Variants in GRIN1 observed in about 807,000 individuals in gnomAD.
The protein encoded by GRIN1 is glutamate receptor ionotropic, NMDA 1.
GRIN1 carries 38 observed loss-of-function variants against 103.0 expected under a neutral mutation model. That is an observed-to-expected ratio of 0.37 (90% CI 0.28 to 0.48). The LOEUF (loss-of-function observed/expected upper bound fraction) is 0.48. Among genes scored for constraint, GRIN1 ranks in the 20% least tolerant of loss-of-function variants. The pLI is 0.98. For missense variants in GRIN1, 577 were observed against 1,288.9 expected, an observed-to-expected ratio of 0.45 and a Z score of 8.46; for synonymous variants, 544 against 532.7, an observed-to-expected ratio of 1.02 and a Z score of -0.29.
intron 10 of GRIN1, 133 bp downstream of exon 10, chr9:137,161,549 G>C: frequency 1.2e-6 from 1 of 830,826 alleles, no homozygotes; most frequent in Non-Finnish European, 1.9e-6. Flanking sequence ...GGAGTGAGCG[G>C]AGCCTGCGGG....
At chr9:137,164,304 A>G (rs889860114) in intron 18 of GRIN1, 2 of 271,122 alleles carry the variant, frequency 7.4e-6, no homozygotes, top group Non-Finnish European at 7.3e-6. Context: ...CCCTTCGGAG[A>G]CCCCCCCCTT....
chr9:137,162,365 C>T, intron 12 of GRIN1, 39 bp from the exon 13 acceptor site: 2 of 1,547,074 alleles, frequency 1.3e-6, no homozygotes, highest in Non-Finnish European at 1.7e-6. Flanking sequence ...AGGGCCGCCT[C>T]TCCCGCCCTC....
At chr9:137,164,002 T>C (rs772887665) in intron 18 of GRIN1, 98 bp downstream of exon 18, 2 of 1,390,326 alleles carry the variant, frequency 1.4e-6, no homozygotes, top group South Asian at 1.2e-5. Context: ...CTGGCTCTGG[T>C]GGGCAGGACT....
At position 137,144,580 on chromosome 9, in the gene GRIN1, A is replaced by T. The variant is rs370019522; in HGVS notation, c.394-1146A>T. 2.0e-5 allele frequency among the ~76,000 whole-genome samples: 3 copies of T among 151,454 alleles called. No individual in the cohort carries two copies. The East Asian group carries it at 5.9e-4, about 30-fold the overall frequency. On this transcript the variant is annotated intron_variant, in intron 2 of 19. Coordinates refer to ENST00000371561, the MANE Select transcript of GRIN1 (RefSeq NM_007327.4). ...TGAGGCAGGAGAATGGTGTGAACCCAGGAGGCGGAGCCTGCAGTGAGCCGA... is the reference window on the plus strand; with the variant it reads ...TGAGGCAGGAGAATGGTGTGAACCCTGGAGGCGGAGCCTGCAGTGAGCCGA...
At chr9:137,160,185 T>C (rs1320275889) in intron 8 of GRIN1, among the ~76,000 whole-genome samples, 1 of 152,214 alleles carries the variant, frequency 6.6e-6, no homozygotes, top group Non-Finnish European at 1.5e-5. Context: ...GCCAGAGACC[T>C]ACATTCAAAG....
Position 137,168,659 on chromosome 9 carries a change from G to C in GRIN1, c.*1132G>C. 2 of 394,882 alleles carry C rather than the reference G, an allele frequency of 5.1e-6. No individual in the cohort carries two copies. The highest frequency in any genetic ancestry group is 8.4e-6 in the Non-Finnish European group (2 of 237,354). The allele number at this position is 394,882 out of a possible 1,614,324, so 24.5% of individuals were successfully genotyped here. On this transcript the variant is annotated 3_prime_UTR_variant, in exon 20 of 20. Transcript: ENST00000371561. ...GCCTTCCCCGTGCGGCCCGTGCGCA[G>C]CCGCGCTCTGCCCCTCCGTCCCCAG...
intron 5 of GRIN1, 32 bp downstream of exon 5, chr9:137,156,822 C>G: frequency 6.2e-7 from 1 of 1,603,858 alleles, no homozygotes; most frequent in African/African-American, 1.3e-5. Flanking sequence ...GGTCCCCGAA[C>G]GGGGAGGACC....
intron 4 of GRIN1, among the ~76,000 whole-genome samples, chr9:137,151,138 T>C (rs1274273274): frequency 3.0e-4 from 15 of 50,096 alleles, no homozygotes; most frequent in Admixed American, 7.8e-4. Context: ...GGGAAAGCCC[T>C]GCCCAGAAAA....
At chr9:137,153,617 CACAT>C (rs1219513677) in intron 4 of GRIN1, among the ~76,000 whole-genome samples, 1 of 152,164 alleles carries the variant, frequency 6.6e-6, no homozygotes, top group Non-Finnish European at 1.5e-5. Context: ...CCATATACAT[CACAT>C]ACAAAGACAT....
intron 3 of GRIN1, among the ~76,000 whole-genome samples, chr9:137,147,287 C>G (rs1354033384): frequency 6.6e-6 from 1 of 151,930 alleles, no homozygotes; most frequent in East Asian, 1.9e-4. Context: ...GTGCGCTCCT[C>G]ACACACACAC....
Position 137,156,966 on chromosome 9 carries a change from GA to G in GRIN1, c.899del (p.Asn300ThrfsTer26). 6.2e-7 allele frequency: 1 copy of G among 1,612,224 alleles called. No homozygotes were observed. Among genetic ancestry groups the G allele is most frequent in the Non-Finnish European group, 8.5e-7 (1 of 1,179,858 alleles). ...QAVHELLEKENITDPPRGCVG... is the reference protein window; with the variant it reads ...QAVHELLEKEXITDPPRGCVG... ...CCGTGCACGAGCTCCTCGAGAAGGAGAACATCACCGACCCGCCGCGGGGCTG... is the reference window on the plus strand; with the variant it reads ...CCGTGCACGAGCTCCTCGAGAAGGAGACATCACCGACCCGCCGCGGGGCTG... On this transcript the variant is annotated frameshift_variant, in exon 6 of 20. Transcript: ENST00000371561. LOFTEE classifies it high-confidence loss of function.
intron 4 of GRIN1, among the ~76,000 whole-genome samples, chr9:137,152,536 C>T (rs1435269953): frequency 6.6e-6 from 1 of 152,182 alleles, no homozygotes; most frequent in African/African-American, 2.4e-5. Flanking sequence ...CCACAGAACC[C>T]CGCCATGCCC....
chr9:137,162,863 C>G lies in GRIN1; in HGVS notation c.2031C>G (p.Asp677Glu). Residue 677 changes from aspartate to glutamate, a missense_variant, in exon 15 of 20, where the codon GAC becomes GAG. Asp to Glu is a conservative substitution (Grantham distance 45, BLOSUM62 2). This residue lies in a region of GRIN1 where 59 missense variants were observed against 161.3 expected (regional missense o/e 0.37). Coordinates refer to ENST00000371561, the MANE Select transcript of GRIN1 (RefSeq NM_007327.4). ...INDPRLRNPS[D>E]KFIYATVKQS... ...CCCTGCAGCTGAGGAACCCCTCGGA[C>G]AAGTTTATCTACGCCACGGTGAAGC... The G allele has an allele frequency of 1.9e-6, 3 of 1,612,272 alleles. No individual in the cohort carries two copies. In the South Asian group the frequency reaches 3.3e-5, roughly 18 times the overall value.
At position 137,165,149 on chromosome 9, in the gene GRIN1, C is replaced by T. The variant is rs771725164; in HGVS notation, c.2590-37C>T. 8 of 1,438,274 alleles carry T rather than the reference C, an allele frequency of 5.6e-6. No homozygotes were observed. In the Admixed American group the frequency reaches 6.7e-5, roughly 12 times the overall value. The allele number at this position is 1,438,274 out of a possible 1,614,324, so 89.1% of individuals were successfully genotyped here. ...CAGGCGAGGGCAGGTGTGGCCACCA[C>T]CCTAGCCATCTAATCACTTATACAT... On this transcript the variant is annotated intron_variant, in intron 18 of 19. Transcript: ENST00000371561.
rs797045604 is a variant in GRIN1, at chr9:137,161,386, G to A, written c.1437G>A (p.Val479=). ...TMNFTYEVHL[V]ADGKFGTQER... ...ACTTCACCTACGAGGTGCACCTGGT[G>A]GCAGATGGCAAGTTCGGCACACAGG... The change falls in exon 10 of 20, where the codon GTG becomes GTA. Residue 479 remains valine, a synonymous_variant. Transcript: ENST00000371561. The A allele has an allele frequency of 3.1e-6, 5 of 1,612,358 alleles. No homozygotes were observed. The highest frequency in any genetic ancestry group is 4.2e-6 in the Non-Finnish European group (5 of 1,179,760).
intron 8 of GRIN1, among the ~76,000 whole-genome samples, chr9:137,159,373 C>A (rs1050485784): frequency 1.3e-5 from 2 of 152,230 alleles, no homozygotes; most frequent in Non-Finnish European, 2.9e-5. Flanking sequence ...TCATTCCAAG[C>A]CCTCAAATGT....
intron 4 of GRIN1, 25 bp from the exon 5 acceptor site, chr9:137,156,644 C>T (rs557932007): frequency 8.1e-6 from 13 of 1,596,044 alleles, no homozygotes; most frequent in South Asian, 6.8e-5. Flanking sequence ...GGAGTCCTGG[C>T]CCGTCATCCC....
At chr9:137,144,622 G>T (rs1207305158) in intron 2 of GRIN1, among the ~76,000 whole-genome samples, 2 of 149,992 alleles carry the variant, frequency 1.3e-5, no homozygotes, top group Non-Finnish European at 3.0e-5. Context: ...ACTCCAGCCT[G>T]GGTAACAGTG....
rs761638908 is a variant in GRIN1 at position 137,163,884 on chromosome 9, G to C, written c.2569G>C (p.Val857Leu). 1 of 1,612,894 alleles carries C rather than the reference G, an allele frequency of 6.2e-7. No homozygotes were observed. Among genetic ancestry groups the C allele is most frequent in the Non-Finnish European group, 8.5e-7 (1 of 1,179,894 alleles). Residue 857 changes from valine (V) to leucine (L), a missense_variant, in exon 18 of 20, where the codon GTG becomes CTG. Transcript: ENST00000371561. Reference protein sequence around the residue: ...QMQLAFAAVNVWRKNLQDRKS... With the variant: ...QMQLAFAAVNLWRKNLQDRKS... The stretch of plus-strand genomic sequence containing the variant: ...GCAGCTGGCCTTTGCCGCCGTTAAC[G>C]TGTGGCGGAAGAACCTGCAGGTAGG...
Sources: allele counts gnomAD v4.1 joint callset (sites outside exome capture counted in the v4.1 genomes callset), GRCh38; gene constraint gnomAD v4.1.1; regional missense constraint gnomAD v4.1.1; transcripts MANE v1.5; gene names NCBI Gene and HGNC (gene_info 2026-07-23, HGNC 2026-07-21).